The following EPHA6 variants were observed in gnomAD, a reference collection of about 807,000 sequenced individuals.
EPHA6 encodes ephrin type-A receptor 6.
In EPHA6, 50 loss-of-function variants were observed where a neutral mutation model predicts 112.0. The ratio of observed to expected loss-of-function variants is 0.45; its 90% confidence interval spans 0.36 to 0.56. EPHA6 has a LOEUF of 0.56. EPHA6 is among the 20% of genes least tolerant of loss of function. The pLI is 0.00. For synonymous variants in EPHA6, 529 were observed against 490.7 expected (o/e 1.08, Z -1.03); for missense variants, 1,280 against 1,417.4 (o/e 0.90, Z 1.56).
At chr3:97,043,027 C>CT (rs2045371149) in intron 3 of EPHA6, among the ~76,000 whole-genome samples, 1 of 152,168 alleles carries the variant, frequency 6.6e-6, no homozygotes, top group Admixed American at 6.6e-5. Flanking sequence ...TTGCAAACCA[C>CT]TGACTCATAT....
intron 3 of EPHA6, chr3:97,010,089 A>G (rs2044031369): frequency 7.8e-7 from 1 of 1,281,372 alleles, no homozygotes; most frequent in Admixed American, 2.5e-5. Flanking sequence ...AAAAAGCAAA[A>G]GAGTAGCATT....
Position 97,153,241 on chromosome 3 carries a change from T to TA in EPHA6, c.1115-73023_1115-73022insA, listed in dbSNP as rs753140309. On this transcript the variant is annotated intron_variant, in intron 3 of 17. Transcript: ENST00000389672. ...GATAAGATCAACATCAATATATAGC[T>TA]TTGGTATATCACAATTTTTTTCAAA... 2.0e-3 allele frequency among the ~76,000 whole-genome samples: 302 copies of TA among 152,206 alleles called. 1 individual carries two copies. Among genetic ancestry groups the TA allele is most frequent in the Middle Eastern group, 3.4e-3 (1 of 292 alleles).
At chr3:97,584,844 C>G (rs945330105) in intron 11 of EPHA6, among the ~76,000 whole-genome samples, 1 of 152,166 alleles carries the variant, frequency 6.6e-6, no homozygotes, top group Admixed American at 6.5e-5. Context: ...TCATGTGATT[C>G]ATGATAAACC....
chr3:97,541,378 T>C (rs2092847922), intron 11 of EPHA6, among the ~76,000 whole-genome samples: 1 of 152,182 alleles, frequency 6.6e-6, no homozygotes, highest in African/African-American at 2.4e-5. Context: ...ATAAGATTAT[T>C]TTCAAAACCA....
intron 1 of EPHA6, among the ~76,000 whole-genome samples, chr3:96,837,929 C>T (rs1318767930): frequency 2.0e-5 from 3 of 151,940 alleles, no homozygotes; most frequent in African/African-American, 7.2e-5. Context: ...GTTTGTTACA[C>T]AGGTAAACAT....
intron 2 of EPHA6, among the ~76,000 whole-genome samples, chr3:96,983,869 T>G (rs113959949): frequency 0.029 from 4,427 of 152,330 alleles, 213 homozygotes; most frequent in African/African-American, 0.098. Flanking sequence ...TGTGAATTCA[T>G]CACATAGTTC....
rs117496804 is a variant in EPHA6, at chr3:97,289,044, C to T, written c.1606+44757C>T. 7.5e-3 allele frequency among the ~76,000 whole-genome samples: 1,115 copies of T among 149,262 alleles called. 42 individuals are homozygous for T. In the East Asian group the frequency reaches 0.12, roughly 16 times the overall value. Reference sequence around the variant, plus strand: ...TCTCCCATTCTGTATGTTGTCTACTCTGTTGACAGTTACTTTTGCTCTGCA... The same window carrying T: ...TCTCCCATTCTGTATGTTGTCTACTTTGTTGACAGTTACTTTTGCTCTGCA... On this transcript the variant is annotated intron_variant, in intron 5 of 17. Coordinates refer to ENST00000389672, the MANE Select transcript of EPHA6 (RefSeq NM_001080448.3).
intron 8 of EPHA6, among the ~76,000 whole-genome samples, chr3:97,478,073 A>G (rs1241494606): frequency 6.6e-6 from 1 of 152,018 alleles, no homozygotes; most frequent in African/African-American, 2.4e-5. Context: ...AATTTCTTAA[A>G]TGTGATTTTA....
rs536131995 is a variant in EPHA6, at chr3:97,507,196, C to T, written c.2200+23137C>T. Among the ~76,000 whole-genome samples the T allele has an allele frequency of 3.3e-5, 5 of 152,226 alleles. No homozygotes were observed. In the East Asian group the frequency reaches 9.7e-4, roughly 29 times the overall value. On this transcript the variant is annotated intron_variant, in intron 10 of 17. Coordinates refer to ENST00000389672, the MANE Select transcript of EPHA6 (RefSeq NM_001080448.3). ...AATGACCTGGCCAGAACTTCCAATA[C>T]TTTGTTGAATAGGAGTGGTGAGAGA...
chr3:96,846,437 C>T (rs2035078320), intron 1 of EPHA6, among the ~76,000 whole-genome samples: 1 of 151,976 alleles, frequency 6.6e-6, no homozygotes, highest in African/African-American at 2.4e-5. Flanking sequence ...TAACAGATAT[C>T]CCAAATAACA....
intron 3 of EPHA6, among the ~76,000 whole-genome samples, chr3:97,187,690 AAAGAAAG>A (rs1367567001): frequency 1.6e-5 from 1 of 62,970 alleles, no homozygotes; most frequent in East Asian, 3.2e-4. Context: ...AGAAAGAAGG[AAAGAAAG>A]AAAGAAAGAA....
intron 7 of EPHA6, 123 bp from the exon 8 acceptor site, chr3:97,475,229 T>C (rs2091334965): frequency 1.4e-6 from 1 of 703,792 alleles, no homozygotes; most frequent in African/African-American, 1.8e-5. Context: ...AATACTGAAA[T>C]AAAGGCCAAA....
At chr3:97,090,467 T>C (rs1240470063) in intron 3 of EPHA6, among the ~76,000 whole-genome samples, 2 of 152,110 alleles carry the variant, frequency 1.3e-5, no homozygotes, top group Non-Finnish European at 1.5e-5. Context: ...TCTAAATTTA[T>C]AATGCATTAC....
intron 10 of EPHA6, among the ~76,000 whole-genome samples, chr3:97,497,404 A>G (rs1387536264): frequency 1.3e-5 from 2 of 152,028 alleles, no homozygotes; most frequent in Non-Finnish European, 2.9e-5. Flanking sequence ...CACTTCCTCC[A>G]ACTTCTATGA....
chr3:97,258,454 A>C (rs528300606), intron 5 of EPHA6, among the ~76,000 whole-genome samples: 1 of 152,242 alleles, frequency 6.6e-6, no homozygotes, highest in East Asian at 1.9e-4. Context: ...TACAGAAGGC[A>C]TTGTGTTCAG....
intron 16 of EPHA6, chr3:97,745,699 G>GA (rs2035682560): frequency 1.3e-5 from 2 of 157,742 alleles, no homozygotes; most frequent in African/African-American, 4.8e-5. Flanking sequence ...GTAATAAAAG[G>GA]AAAACCAAAT....
At position 97,021,768 on chromosome 3, in the gene EPHA6, A is replaced by G. The variant is rs2044470003; in HGVS notation, c.1114+33775A>G. ...CCTATTTAATGTTAATAACCTTTGTAAAAGCCCTATCTCATATCACATTGG... is the reference window on the plus strand; with the variant it reads ...CCTATTTAATGTTAATAACCTTTGTGAAAGCCCTATCTCATATCACATTGG... On this transcript the variant is annotated intron_variant, in intron 3 of 17. Transcript: ENST00000389672. Among the ~76,000 whole-genome samples, 4 of 152,210 alleles carry G rather than the reference A, an allele frequency of 2.6e-5. No individual in the cohort carries two copies. The South Asian group carries it at 6.2e-4, about 24-fold the overall frequency.
At chr3:96,987,282 A>T in intron 2 of EPHA6, 48 bp from the exon 3 acceptor site, 1 of 1,473,932 alleles carries the variant, frequency 6.8e-7, no homozygotes, top group Non-Finnish European at 9.2e-7. Context: ...ATTTCTGTTT[A>T]ATCACTGTGG....
At chr3:97,022,722 C>T (rs1225882089) in intron 3 of EPHA6, among the ~76,000 whole-genome samples, 5 of 152,088 alleles carry the variant, frequency 3.3e-5, no homozygotes, top group Admixed American at 1.3e-4. Context: ...TGAATGGTCT[C>T]CATGTACTTT....
Sources: allele counts gnomAD v4.1 joint callset (sites outside exome capture counted in the v4.1 genomes callset), GRCh38; gene constraint gnomAD v4.1.1; transcripts MANE v1.5; gene names NCBI Gene and HGNC (gene_info 2026-07-23, HGNC 2026-07-21).